Variants in GLG1 observed in about 807,000 individuals in gnomAD.
The protein encoded by GLG1 is golgi glycoprotein 1.
In GLG1, 38 loss-of-function variants were observed where a neutral mutation model predicts 160.5. The observed-to-expected ratio is 0.24, with a 90% confidence interval of 0.18 to 0.31. The LOEUF is 0.31. Among genes scored for constraint, GLG1 ranks in the 10% least tolerant of loss-of-function variants. The pLI is 1.00. For missense variants in GLG1, 1,373 were observed against 1,505.2 expected (o/e 0.91, Z 1.45); for synonymous variants, 644 against 543.4 (o/e 1.19, Z -2.57).
intron 10 of GLG1, among the ~76,000 whole-genome samples, chr16:74,480,991 C>T (rs969786672): frequency 8.5e-5 from 13 of 152,124 alleles, no homozygotes; most frequent in African/African-American, 3.1e-4. Flanking sequence ...TTGTTAGATA[C>T]CTAACATTTT....
chr16:74,477,453 C>G lies in GLG1; in HGVS notation c.1908G>C (p.Gln636His). The change falls in exon 12 of 26, where the codon CAG (glutamine) becomes CAC (histidine). Residue 636 changes from glutamine to histidine, a missense_variant. Gln to His is a conservative substitution (Grantham distance 24). Transcript: ENST00000422840. Reference protein sequence around the residue: ...AMDVKLDPALQDKCLIDLGKW... With the variant: ...AMDVKLDPALHDKCLIDLGKW... ...TTCCCAGATCAATCAGGCACTTATC[C>G]TGGAGGGCAGGATCCAGCTTGACAT... 1 of 1,612,948 alleles carries G rather than the reference C, an allele frequency of 6.2e-7. No individual in the cohort carries two copies. Among genetic ancestry groups the G allele is most frequent in the Non-Finnish European group, 8.5e-7 (1 of 1,178,940 alleles).
intron 2 of GLG1, among the ~76,000 whole-genome samples, chr16:74,514,650 T>C (rs2016921577): frequency 6.6e-6 from 1 of 152,118 alleles, no homozygotes; most frequent in South Asian, 2.1e-4. Context: ...GCACTAAACA[T>C]GGATAGGAAC....
chr16:74,548,644 T>A lies in GLG1; in HGVS notation c.439-16491A>T, dbSNP rs1001665627. Among the ~76,000 whole-genome samples the A allele has an allele frequency of 2.3e-3, 288 of 123,230 alleles. 6 individuals are homozygous for A. Among genetic ancestry groups the A allele is most frequent in the Non-Finnish European group, 4.9e-4 (29 of 58,704 alleles). The allele number at this position is 123,230 out of a possible 152,430, so 80.8% of individuals were successfully genotyped here. ...TTTTTCAGGACTTTTAGCCTCAATT[T>A]AAATCTCAATTCTCTAAAAATTCCC... On this transcript the variant is annotated intron_variant, in intron 1 of 25. Transcript: ENST00000422840.
intron 4 of GLG1, among the ~76,000 whole-genome samples, chr16:74,503,294 A>C (rs564841728): frequency 1.3e-5 from 2 of 152,204 alleles, no homozygotes; most frequent in South Asian, 4.1e-4. Flanking sequence ...TGTGAAGATA[A>C]CACCACTCTT....
chr16:74,454,539 G>A (rs942528835), intron 25 of GLG1, among the ~76,000 whole-genome samples: 75 of 151,080 alleles, frequency 5.0e-4, no homozygotes, highest in African/African-American at 1.6e-3. Context: ...GGTGGCGCTC[G>A]CCTGCAATCC....
intron 1 of GLG1, among the ~76,000 whole-genome samples, chr16:74,577,289 C>A (rs12447937): frequency 6.6e-6 from 1 of 151,924 alleles, no homozygotes; most frequent in Non-Finnish European, 1.5e-5. Context: ...TGGGAGGCCA[C>A]GGCGGGTGGA....
At chr16:74,535,785 A>G (rs938428381) in intron 1 of GLG1, among the ~76,000 whole-genome samples, 4 of 152,156 alleles carry the variant, frequency 2.6e-5, no homozygotes, top group Non-Finnish European at 2.9e-5. Flanking sequence ...ACAGAATAGG[A>G]ATGCCGTAAA....
At chr16:74,596,838 T>G (rs1031657912) in intron 1 of GLG1, among the ~76,000 whole-genome samples, 2 of 152,112 alleles carry the variant, frequency 1.3e-5, no homozygotes, top group Non-Finnish European at 2.9e-5. Context: ...TGTAATAGGC[T>G]GGGTACAGTG....
Position 74,592,808 on chromosome 16 carries a change from G to T in GLG1, c.438+13849C>A, listed in dbSNP as rs79976674. Among the ~76,000 whole-genome samples the T allele has an allele frequency of 2.8e-4, 43 of 152,054 alleles. 2 individuals carry two copies. The highest frequency in any genetic ancestry group is 1.0e-4 in the Non-Finnish European group (7 of 68,032). On this transcript the variant is annotated intron_variant, in intron 1 of 25. Transcript: ENST00000422840. ...TCTTATTTTATTTCATATATAATAG[G>T]TGTGTCCTCAGCAAATGGCTGCTAT...
chr16:74,469,680 T>C lies in GLG1; in HGVS notation c.2318+305A>G, dbSNP rs1264951274. On this transcript the variant is annotated intron_variant, in intron 16 of 25. Transcript: ENST00000422840. ...CAGGGAAGAGGTCAGTTCGCCTCTT[T>C]CACTCACACTGCACCCTGCTTCTCT... 8.4e-6 allele frequency: 3 copies of C among 359,182 alleles called. No individual in the cohort carries two copies. In the East Asian group the frequency reaches 1.4e-4, roughly 17 times the overall value. The allele number at this position is 359,182 out of a possible 1,614,324, so 22.2% of individuals were successfully genotyped here.
rs1260158329 is a variant in GLG1 at position 74,467,818 on chromosome 16, A to G, written c.2467T>C (p.Tyr823His). 6.2e-7 allele frequency: 1 copy of G among 1,613,548 alleles called. No individual in the cohort carries two copies. The highest frequency in any genetic ancestry group is 1.1e-5 in the South Asian group (1 of 90,994). ...TTGATGTCACTCTTGCAGGCTTCGT[A>G]TAGATCTGGCTCCAAGCGGATGTCC... ...TEDIRLEPDL[Y>H]EACKSDIKNF... Residue 823 changes from tyrosine (Y) to histidine (H), a missense_variant, in exon 18 of 26, where the codon TAC becomes CAC. This residue lies in a region of GLG1 where 491 missense variants were observed against 632.1 expected (regional missense o/e 0.78). Transcript: ENST00000422840.
At chr16:74,509,674 C>A (rs1176692411) in intron 2 of GLG1, among the ~76,000 whole-genome samples, 1 of 151,800 alleles carries the variant, frequency 6.6e-6, no homozygotes, top group African/African-American at 2.4e-5. Flanking sequence ...ACAGTGAAAC[C>A]CCGTTTCTAC....
rs917144767 is a variant in GLG1, at chr16:74,472,349, G to A, written c.2115C>T (p.His705=). 19 of 1,606,824 alleles carry A rather than the reference G, an allele frequency of 1.2e-5. No homozygotes were observed. The highest frequency in any genetic ancestry group is 1.7e-5 in the Admixed American group (1 of 59,978). ...CCTTGCTCCTCCAGACATCACTTAC[G>A]TGGCAGAAGTTCTGAATTATGGGCT... is the stretch of plus-strand genomic sequence containing the variant. The part of the protein sequence containing the change: ...ACEPIIQNFC[H]DVADNQIDSG... The change falls in exon 14 of 26, where the codon CAC becomes CAT. Residue 705 remains histidine, a splice_region_variant and synonymous_variant. Coordinates refer to ENST00000422840, the MANE Select transcript of GLG1 (RefSeq NM_001145667.2).
chr16:74,545,954 G>A (rs1410949372), intron 1 of GLG1, among the ~76,000 whole-genome samples: 1 of 152,154 alleles, frequency 6.6e-6, no homozygotes, highest in Non-Finnish European at 1.5e-5. Context: ...CAGTTTAAAT[G>A]TCATGCATTT....
intron 1 of GLG1, among the ~76,000 whole-genome samples, chr16:74,540,718 C>T (rs918791066): frequency 2.0e-5 from 3 of 151,236 alleles, no homozygotes; most frequent in African/African-American, 7.3e-5. Context: ...ACCATTTTTA[C>T]CTAAATTATG....
intron 1 of GLG1, among the ~76,000 whole-genome samples, chr16:74,601,737 A>G (rs1029478814): frequency 1.8e-4 from 27 of 152,200 alleles, no homozygotes; most frequent in African/African-American, 6.5e-4. Flanking sequence ...ATCTACAAAT[A>G]CTTCAATGCA....
chr16:74,597,556 TA>T (rs1156800288), intron 1 of GLG1, among the ~76,000 whole-genome samples: 1 of 148,992 alleles, frequency 6.7e-6, no homozygotes, highest in Admixed American at 6.7e-5. Flanking sequence ...CTGCCTCTAC[TA>T]AAAAAACAAA....
At chr16:74,517,998 G>A (rs2017036725) in intron 2 of GLG1, among the ~76,000 whole-genome samples, 1 of 152,206 alleles carries the variant, frequency 6.6e-6, no homozygotes, top group African/African-American at 2.4e-5. Flanking sequence ...CACAATGGCT[G>A]TGAAGGACCT....
At chr16:74,464,218 ATTGT>A (rs2014916815) in intron 19 of GLG1, among the ~76,000 whole-genome samples, 2 of 152,266 alleles carry the variant, frequency 1.3e-5, no homozygotes, top group South Asian at 4.1e-4. Flanking sequence ...TGAGGAACTT[ATTGT>A]TTAAGCATGA....
Sources: gnomAD v4.1 joint callset for allele counts (sites outside exome capture counted in the v4.1 genomes callset) on GRCh38, gnomAD v4.1.1 for gene constraint, gnomAD v4.1.1 regional missense constraint, MANE v1.5 for transcripts, NCBI Gene and HGNC (gene_info 2026-07-23, HGNC 2026-07-21) for gene names.